Variants in GRIK2 observed in about 807,000 individuals in gnomAD.
The protein encoded by GRIK2 is glutamate receptor ionotropic, kainate 2.
In GRIK2, 32 loss-of-function variants were observed where a neutral mutation model predicts 100.3. That is an observed-to-expected ratio of 0.32 (90% confidence interval 0.24 to 0.43). GRIK2 has a LOEUF of 0.43. Among genes scored for constraint, GRIK2 ranks in the 20% least tolerant of loss-of-function variants. The pLI, the probability that GRIK2 is intolerant of heterozygous loss-of-function variation, is 1.00. For missense variants in GRIK2, 843 were observed against 1,114.9 expected, an observed-to-expected ratio of 0.76 and a Z score of 3.47; for synonymous variants, 417 against 389.4, an observed-to-expected ratio of 1.07 and a Z score of -0.83.
intron 4 of GRIK2, among the ~76,000 whole-genome samples, chr6:101,659,350 G>A (rs1023575590): frequency 3.9e-5 from 6 of 151,992 alleles, no homozygotes; most frequent in Non-Finnish European, 7.4e-5. Flanking sequence ...CTGAGGCCTC[G>A]TTCTGTTCCA....
intron 2 of GRIK2, among the ~76,000 whole-genome samples, chr6:101,579,136 T>TC (rs1277621646): frequency 6.6e-6 from 1 of 151,720 alleles, no homozygotes; most frequent in African/African-American, 2.4e-5. Context: ...ACACACACAC[T>TC]CCCTTGATCA....
intron 2 of GRIK2, among the ~76,000 whole-genome samples, chr6:101,515,196 A>G (rs116028693): frequency 0.015 from 2,311 of 152,114 alleles, 56 homozygotes; most frequent in African/African-American, 0.053. Flanking sequence ...ATAGTCTCCA[A>G]TCTCATCCAG....
intron 13 of GRIK2, chr6:101,927,650 C>G (rs1249212999): frequency 6.6e-6 from 1 of 151,962 alleles, no homozygotes; most frequent in East Asian, 1.9e-4. Flanking sequence ...ATATAATTCT[C>G]AGATCCCATT....
intron 2 of GRIK2, among the ~76,000 whole-genome samples, chr6:101,508,111 A>G (rs1774116239): frequency 6.6e-6 from 1 of 151,384 alleles, no homozygotes; most frequent in South Asian, 2.1e-4. Flanking sequence ...TTTTGGAAGG[A>G]CTAAGTAATC....
intron 2 of GRIK2, among the ~76,000 whole-genome samples, chr6:101,424,405 T>C (rs1776587329): frequency 6.7e-6 from 1 of 150,248 alleles, no homozygotes; most frequent in African/African-American, 2.5e-5. Flanking sequence ...CACCTATGAG[T>C]GAGAACATGT....
At chr6:101,938,274 G>A (rs760104793) in intron 14 of GRIK2, among the ~76,000 whole-genome samples, 2 of 151,942 alleles carry the variant, frequency 1.3e-5, no homozygotes, top group Non-Finnish European at 2.9e-5. Context: ...GCACCCTTCT[G>A]ATGCTCAATA....
At chr6:101,939,951 G>A (rs1017543313) in intron 14 of GRIK2, among the ~76,000 whole-genome samples, 2 of 152,036 alleles carry the variant, frequency 1.3e-5, no homozygotes, top group African/African-American at 4.8e-5. Flanking sequence ...AATTAGGGAG[G>A]TGTTTCAGAA....
chr6:101,450,374 G>A (rs2518159), intron 2 of GRIK2, among the ~76,000 whole-genome samples: 145,973 of 151,734 alleles, frequency 0.96, 70,257 homozygotes, highest in African/African-American at 0.99. Flanking sequence ...TGTTATTGTA[G>A]CATTGATCTC....
intron 2 of GRIK2, among the ~76,000 whole-genome samples, chr6:101,453,351 CTT>C (rs1483899084): frequency 6.6e-6 from 1 of 151,936 alleles, no homozygotes; most frequent in Admixed American, 6.6e-5. Context: ...ATATTATCTG[CTT>C]TCTTAAATGA....
At chr6:101,926,099 A>G (rs966696610) in intron 13 of GRIK2, among the ~76,000 whole-genome samples, 8 of 151,296 alleles carry the variant, frequency 5.3e-5, no homozygotes, top group African/African-American at 1.9e-4. Context: ...ACATGAGCTA[A>G]CCTAAGTTTG....
intron 4 of GRIK2, among the ~76,000 whole-genome samples, chr6:101,660,029 T>C (rs78586821): frequency 0.064 from 9,783 of 152,232 alleles, 463 homozygotes; most frequent in East Asian, 0.26. Context: ...TCTTGCTAGG[T>C]TGGGGAAGTT....
At chr6:101,638,451 G>T (rs1197994553) in intron 4 of GRIK2, among the ~76,000 whole-genome samples, 2 of 151,504 alleles carry the variant, frequency 1.3e-5, no homozygotes, top group Non-Finnish European at 2.9e-5. Context: ...TATTAAGAAG[G>T]GTTGCCAGAA....
chr6:101,462,302 G>A (rs1217906703), intron 2 of GRIK2, among the ~76,000 whole-genome samples: 4 of 152,078 alleles, frequency 2.6e-5, no homozygotes, highest in African/African-American at 9.7e-5. Flanking sequence ...TTTAAAAATT[G>A]ATGACTGACC....
In GRIK2 at chr6:101,883,353, C is replaced by G. The variant is rs76288255; in HGVS notation, c.1525-6287C>G. Among the ~76,000 whole-genome samples the G allele has an allele frequency of 6.0e-3, 907 of 150,622 alleles. 8 individuals are homozygous for G. Among genetic ancestry groups the G allele is most frequent in the African/African-American group, 0.021 (869 of 41,126 alleles). On this transcript the variant is annotated intron_variant, in intron 11 of 16. Coordinates refer to ENST00000369134, the MANE Select transcript of GRIK2 (RefSeq NM_021956.5). ...AAAGGGGGTCCTGAGGGTAGAATTA[C>G]CATGTGCAATAGTGATAGTTTTATT...
intron 2 of GRIK2, among the ~76,000 whole-genome samples, chr6:101,532,953 G>A (rs1327457025): frequency 6.6e-6 from 1 of 151,698 alleles, no homozygotes; most frequent in African/African-American, 2.4e-5. Flanking sequence ...AAAGGGATAT[G>A]AGGAAAAGAA....
At chr6:101,590,708 G>C (rs1778603491) in intron 2 of GRIK2, among the ~76,000 whole-genome samples, 1 of 151,918 alleles carries the variant, frequency 6.6e-6, no homozygotes. Context: ...TATGGAAGAG[G>C]GATGGGAGAG....
At chr6:101,421,905 A>G (rs1776431462) in intron 2 of GRIK2, among the ~76,000 whole-genome samples, 1 of 152,226 alleles carries the variant, frequency 6.6e-6, no homozygotes, top group Non-Finnish European at 1.5e-5. Flanking sequence ...AATTTGATGG[A>G]AAATTTCATG....
At chr6:101,595,685 C>CACGT (rs1778884725) in intron 2 of GRIK2, among the ~76,000 whole-genome samples, 2 of 117,586 alleles carry the variant, frequency 1.7e-5, no homozygotes, top group African/African-American at 8.2e-5. Context: ...TATATTTGTG[C>CACGT]ATGTATATAT....
chr6:101,417,029 A>G (rs1055493529), intron 2 of GRIK2, among the ~76,000 whole-genome samples: 1 of 152,200 alleles, frequency 6.6e-6, no homozygotes, highest in Non-Finnish European at 1.5e-5. Flanking sequence ...TGGGTAATTT[A>G]TAAAGGAAAG....
Sources: allele counts gnomAD v4.1 joint callset (sites outside exome capture counted in the v4.1 genomes callset), GRCh38; gene constraint gnomAD v4.1.1; transcripts MANE v1.5; gene names NCBI Gene and HGNC (gene_info 2026-07-23, HGNC 2026-07-21).